GPC5: variants seen among roughly 807,000 people sequenced by gnomAD.
The protein encoded by GPC5 is glypican-5.
In GPC5, 47 loss-of-function variants were observed where a neutral mutation model predicts 53.9. The ratio of observed to expected loss-of-function variants is 0.87; its 90% CI spans 0.69 to 1.11. The LOEUF is 1.11. Ranked by LOEUF, GPC5 falls within the 50% of genes most tolerant of loss-of-function variation. The probability of loss-of-function intolerance (pLI) is 0.00; values close to 1 mark genes in which losing one functional copy is unlikely to be tolerated. For synonymous variants in GPC5, 286 were observed against 263.3 expected (o/e 1.09, Z -0.84); for missense variants, 748 against 713.1 (o/e 1.05, Z -0.56).
chr13:91,448,911 C>T lies in GPC5; in HGVS notation c.314C>T (p.Ala105Val). The change falls in exon 2 of 8, where the codon GCT becomes GTT. Residue 105 changes from alanine (A) to valine (V), a missense_variant. Coordinates refer to ENST00000377067, the MANE Select transcript of GPC5 (RefSeq NM_004466.6). ...TLKFLISRNA[A>V]AFQETLETLI... ...AAGTTTCTAATATCTCGAAATGCGG[C>T]TGCTTTTCAAGGTAAGTGGATCTTG... is the stretch of plus-strand genomic sequence containing the variant. The T allele has an allele frequency of 2.5e-6, 4 of 1,612,802 alleles. No individual in the cohort carries two copies. The highest frequency in any genetic ancestry group is 3.4e-6 in the Non-Finnish European group (4 of 1,179,342).
intron 2 of GPC5, among the ~76,000 whole-genome samples, chr13:91,485,201 T>C (rs2139231537): frequency 6.8e-6 from 1 of 146,336 alleles, no homozygotes; most frequent in African/African-American, 2.6e-5. Flanking sequence ...TGTACCATCA[T>C]AATCTTGGTC....
At position 92,756,345 on chromosome 13, in the gene GPC5, C is replaced by A. The variant is rs1241531706; in HGVS notation, c.1562-109937C>A. ...GGGACATATTTAAAAATAATAAGAG[C>A]TATCTATGACAAACCCACAGCCAAT... On this transcript the variant is annotated intron_variant, in intron 7 of 7. Coordinates refer to ENST00000377067, the MANE Select transcript of GPC5 (RefSeq NM_004466.6). 2.0e-5 allele frequency among the ~76,000 whole-genome samples: 3 copies of A among 151,372 alleles called. No homozygotes were observed. The East Asian group carries it at 6.0e-4, about 30-fold the overall frequency.
chr13:92,287,840 A>G (rs2042966807), intron 7 of GPC5, among the ~76,000 whole-genome samples: 1 of 152,034 alleles, frequency 6.6e-6, no homozygotes, highest in Non-Finnish European at 1.5e-5. Context: ...GTATTTCTTT[A>G]AGTATTTTTT....
chr13:92,184,513 C>G (rs938966592), intron 7 of GPC5, among the ~76,000 whole-genome samples: 16 of 152,082 alleles, frequency 1.1e-4, no homozygotes, highest in Non-Finnish European at 1.9e-4. Flanking sequence ...GTCTTTGTGT[C>G]AAAATTGTCT....
chr13:92,092,083 G>A (rs1048041472), intron 6 of GPC5, among the ~76,000 whole-genome samples: 1 of 152,128 alleles, frequency 6.6e-6, no homozygotes, highest in African/African-American at 2.4e-5. Context: ...TCCCATTTAT[G>A]AGAATTTTCT....
chr13:92,602,434 A>C (rs76252486), intron 7 of GPC5, among the ~76,000 whole-genome samples: 2,515 of 151,640 alleles, frequency 0.017, 81 homozygotes, highest in African/African-American at 0.058. Flanking sequence ...TGTTGATTGG[A>C]GTTACAGGGT....
chr13:92,034,640 G>C (rs940139321), intron 6 of GPC5, among the ~76,000 whole-genome samples: 2 of 152,102 alleles, frequency 1.3e-5, no homozygotes, highest in East Asian at 3.9e-4. Flanking sequence ...ATGCTTACCT[G>C]TATGTTCACT....
intron 6 of GPC5, among the ~76,000 whole-genome samples, chr13:92,097,922 C>T (rs1044520889): frequency 2.0e-5 from 3 of 152,288 alleles, no homozygotes; most frequent in Admixed American, 6.5e-5. Flanking sequence ...CAGATTGAAA[C>T]CTAGTGGAGT....
chr13:91,948,377 TATTCATTC>T (rs199857879), intron 6 of GPC5, among the ~76,000 whole-genome samples: 1 of 152,040 alleles, frequency 6.6e-6, no homozygotes, highest in African/African-American at 2.4e-5. Flanking sequence ...CGAGCATAGA[TATTCATTC>T]ATTCATTCAT....
rs145424223 is a variant in GPC5 at position 91,474,283 on chromosome 13, G to A, written c.325+25361G>A. Among the ~76,000 whole-genome samples the A allele has an allele frequency of 2.4e-3, 365 of 152,194 alleles. 1 individual carries two copies. Among genetic ancestry groups the A allele is most frequent in the African/African-American group, 7.9e-3 (327 of 41,548 alleles). ...TGTTTATAGAAGATCTTGGAAGAAT[G>A]CTATACCAAAAATATTTGAGTCCCT... On this transcript the variant is annotated intron_variant, in intron 2 of 7. Transcript: ENST00000377067.
chr13:91,538,768 G>A (rs1886708397), intron 2 of GPC5, among the ~76,000 whole-genome samples: 1 of 151,592 alleles, frequency 6.6e-6, no homozygotes, highest in Non-Finnish European at 1.5e-5. Context: ...ATTTTTAGTA[G>A]AGACCGGGTT....
chr13:91,981,919 A>T (rs920961936), intron 6 of GPC5, among the ~76,000 whole-genome samples: 7 of 152,204 alleles, frequency 4.6e-5, no homozygotes, highest in Admixed American at 3.3e-4. Flanking sequence ...GTAAACAGGG[A>T]ATGATGAGAG....
intron 5 of GPC5, among the ~76,000 whole-genome samples, chr13:91,769,069 A>T (rs1020507163): frequency 5.3e-5 from 8 of 152,174 alleles, no homozygotes; most frequent in Admixed American, 1.3e-4. Context: ...GGCTTATGTG[A>T]TCGTGGGGAC....
chr13:92,583,299 T>C (rs537193107), intron 7 of GPC5, among the ~76,000 whole-genome samples: 5 of 152,360 alleles, frequency 3.3e-5, no homozygotes, highest in Admixed American at 6.5e-5. Context: ...TATTGATGTG[T>C]GTATGCTGAA....
chr13:91,834,627 C>A (rs1174489519), intron 5 of GPC5, among the ~76,000 whole-genome samples: 4 of 152,032 alleles, frequency 2.6e-5, no homozygotes, highest in Non-Finnish European at 5.9e-5. Context: ...ACAAAACTAA[C>A]AAAAACAAGC....
At chr13:92,614,236 T>C (rs1212026112) in intron 7 of GPC5, among the ~76,000 whole-genome samples, 1 of 152,178 alleles carries the variant, frequency 6.6e-6, no homozygotes, top group Non-Finnish European at 1.5e-5. Flanking sequence ...GAAGTTTAAA[T>C]ATCTTTGAAA....
At chr13:92,387,023 A>G (rs1209830334) in intron 7 of GPC5, among the ~76,000 whole-genome samples, 1 of 152,030 alleles carries the variant, frequency 6.6e-6, no homozygotes, top group Non-Finnish European at 1.5e-5. Flanking sequence ...TAGAATTAGA[A>G]CTCACACTCA....
intron 7 of GPC5, among the ~76,000 whole-genome samples, chr13:92,264,890 GTGTGTGTGTGT>G (rs1566510050): frequency 9.5e-5 from 7 of 73,934 alleles, no homozygotes; most frequent in African/African-American, 3.7e-4. Context: ...GTGTGTGTGT[GTGTGTGTGTGT>G]GTGTGTGTGT....
intron 7 of GPC5, among the ~76,000 whole-genome samples, chr13:92,741,409 C>A (rs1466079954): frequency 1.3e-5 from 2 of 151,822 alleles, no homozygotes; most frequent in Non-Finnish European, 2.9e-5. Context: ...TCCCCATGAA[C>A]AAGGAGGCTT....
Sources: gnomAD v4.1 joint callset for allele counts (sites outside exome capture counted in the v4.1 genomes callset) on GRCh38, gnomAD v4.1.1 for gene constraint, MANE v1.5 for transcripts, NCBI Gene and HGNC (gene_info 2026-07-23, HGNC 2026-07-21) for gene names.